ANK2: variants seen among roughly 807,000 people sequenced by gnomAD.
ANK2 encodes ankyrin 2.
A neutral mutation model predicts 360.5 loss-of-function variants in ANK2; 83 were observed. The ratio of observed to expected loss-of-function variants is 0.23; its 90% confidence interval spans 0.19 to 0.28. ANK2 has a LOEUF of 0.28. Ranked by LOEUF, ANK2 falls within the 10% of genes least tolerant of loss-of-function variation. ANK2 has a pLI of 1.00. For synonymous variants in ANK2, 1,740 were observed against 1,759.5 expected (o/e 0.99, Z 0.28); for missense variants, 4,201 against 4,795.7 (o/e 0.88, Z 3.66).
chr4:113,280,597 T>C (rs757048704), intron 17 of ANK2, among the ~76,000 whole-genome samples: 13 of 152,196 alleles, frequency 8.5e-5, no homozygotes, highest in Non-Finnish European at 1.9e-4. Flanking sequence ...CTCTCCTTAA[T>C]ACACACGGTC....
chr4:112,754,959 T>G, the ANK2 span, among the ~76,000 whole-genome samples: 1 of 152,184 alleles, frequency 6.6e-6, no homozygotes, highest in Non-Finnish European at 1.5e-5. Flanking sequence ...AACTCTTATA[T>G]CCTAATAATC....
At chr4:112,947,971 A>G (rs924890361) in intron 2 of ANK2, among the ~76,000 whole-genome samples, 1 of 152,168 alleles carries the variant, frequency 6.6e-6, no homozygotes, top group Non-Finnish European at 1.5e-5. Context: ...AAGATTTAAA[A>G]TATTTCGTTC....
chr4:113,208,995 C>T (rs1385906540), intron 4 of ANK2, among the ~76,000 whole-genome samples: 1 of 151,988 alleles, frequency 6.6e-6, no homozygotes, highest in Non-Finnish European at 1.5e-5. Context: ...TCCCCTTCAT[C>T]CTCTGAAGGC....
At chr4:112,729,111 A>G in the ANK2 span, among the ~76,000 whole-genome samples, 1 of 151,996 alleles carries the variant, frequency 6.6e-6, no homozygotes, top group South Asian at 2.1e-4. Context: ...AGGCGGGAGG[A>G]TAGCTTGAGT....
chr4:113,199,540 AC>A (rs1383003320), intron 4 of ANK2, among the ~76,000 whole-genome samples: 1 of 152,148 alleles, frequency 6.6e-6, no homozygotes, highest in Non-Finnish European at 1.5e-5. Flanking sequence ...GTCAGTTTAC[AC>A]CCCTAATGTG....
chr4:113,237,760 A>G, intron 7 of ANK2, 138 bp downstream of exon 7: 1 of 780,058 alleles, frequency 1.3e-6, no homozygotes, highest in Non-Finnish European at 2.2e-6. Context: ...CTTCCCCATA[A>G]TGAAGGCAAA....
chr4:112,921,181 G>A (rs1481026650), intron 2 of ANK2, among the ~76,000 whole-genome samples: 1 of 149,378 alleles, frequency 6.7e-6, no homozygotes, highest in Non-Finnish European at 1.5e-5. Flanking sequence ...CGTGTGCCAC[G>A]CCATGCTAAT....
At chr4:113,265,246 C>G (rs29412) in intron 14 of ANK2, among the ~76,000 whole-genome samples, 1 of 152,080 alleles carries the variant, frequency 6.6e-6, no homozygotes, top group Non-Finnish European at 1.5e-5. Flanking sequence ...AGAAATACAT[C>G]GACTGATATT....
chr4:112,939,630 A>G (rs28720945), intron 2 of ANK2, among the ~76,000 whole-genome samples: 1,555 of 152,290 alleles, frequency 0.01, 27 homozygotes, highest in African/African-American at 0.035. Flanking sequence ...ATTCTTTAAA[A>G]ATACAATTTT....
rs1247494820 is a variant in ANK2, at chr4:113,242,158, C to T, written c.840C>T (p.Asn280=). ...LHVASKRGNT[N]MVKLLLDRGG... is the part of the protein sequence containing the mutation. ...TGGCTTCCAAAAGAGGAAATACAAA[C>T]ATGGTGAAGCTCTTACTGGATCGAG... The change falls in exon 9 of 46, where the codon AAC becomes AAT. Residue 280 remains asparagine (N), a synonymous_variant. Coordinates refer to ENST00000357077, the MANE Select transcript of ANK2 (RefSeq NM_001148.6). 2.5e-6 allele frequency: 4 copies of T among 1,613,926 alleles called. No homozygotes were observed. In the South Asian group the frequency reaches 4.4e-5, roughly 18 times the overall value.
chr4:113,002,266 T>C (rs2051020694), intron 2 of ANK2, among the ~76,000 whole-genome samples: 1 of 152,168 alleles, frequency 6.6e-6, no homozygotes, highest in African/African-American at 2.4e-5. Flanking sequence ...TGCACACGTA[T>C]GTTTATTGTG....
intron 1 of ANK2, among the ~76,000 whole-genome samples, chr4:113,090,193 T>G (rs1235003043): frequency 6.6e-6 from 1 of 152,230 alleles, no homozygotes; most frequent in African/African-American, 2.4e-5. Context: ...AATCTCTTTC[T>G]AAGAATCTTT....
intron 2 of ANK2, among the ~76,000 whole-genome samples, chr4:112,907,461 G>A (rs2085628671): frequency 2.0e-5 from 3 of 152,146 alleles, no homozygotes; most frequent in Admixed American, 2.0e-4. Flanking sequence ...TGGGCATGCA[G>A]GATGTGGAAC....
chr4:113,282,723 A>T lies in ANK2; in HGVS notation c.1930A>T (p.Ile644Leu). ...TGCTGCCAAGAAGAATCAAATGCAG[A>T]TAGCTTCCACACTCCTGAACTATGG... ...HIAAKKNQMQ[I>L]ASTLLNYGAE... The change falls in exon 18 of 46, where the codon ATA becomes TTA. Residue 644 changes from isoleucine to leucine, a missense_variant. Ile to Leu is a conservative substitution (Grantham distance 5, BLOSUM62 2). Coordinates refer to ENST00000357077, the MANE Select transcript of ANK2 (RefSeq NM_001148.6). The T allele has an allele frequency of 6.2e-7, 1 of 1,613,906 alleles. No individual in the cohort carries two copies. Among genetic ancestry groups the T allele is most frequent in the Non-Finnish European group, 8.5e-7 (1 of 1,179,904 alleles).
intron 1 of ANK2, among the ~76,000 whole-genome samples, chr4:112,843,958 T>A (rs1370267970): frequency 1.3e-5 from 2 of 152,168 alleles, no homozygotes; most frequent in Admixed American, 1.3e-4. Context: ...AAAACCTTGG[T>A]TCTGTAAATA....
intron 1 of ANK2, among the ~76,000 whole-genome samples, chr4:113,159,580 A>G (rs1433514795): frequency 6.6e-6 from 1 of 151,952 alleles, no homozygotes; most frequent in African/African-American, 2.4e-5. Context: ...CACAGAGAAG[A>G]GTAAAATTAT....
chr4:113,079,701 T>C (rs1442614336), intron 1 of ANK2, among the ~76,000 whole-genome samples: 1 of 140,284 alleles, frequency 7.1e-6, no homozygotes, highest in Non-Finnish European at 1.5e-5. Flanking sequence ...CAATGTGTCA[T>C]TATGGACAGT....
chr4:113,311,505 C>T (rs2079935477), intron 24 of ANK2, 106 bp downstream of exon 24: 1 of 1,369,320 alleles, frequency 7.3e-7, no homozygotes, highest in African/African-American at 1.4e-5. Context: ...TAATAGGTAC[C>T]TTATTAATCT....
intron 1 of ANK2, among the ~76,000 whole-genome samples, chr4:112,866,524 C>T (rs2070614958): frequency 6.6e-6 from 1 of 152,158 alleles, no homozygotes; most frequent in African/African-American, 2.4e-5. Flanking sequence ...TTTATTCTTT[C>T]ATTGTGAGAC....
Sources: allele counts gnomAD v4.1 joint callset (sites outside exome capture counted in the v4.1 genomes callset), GRCh38; gene constraint gnomAD v4.1.1; transcripts MANE v1.5; gene names NCBI Gene and HGNC (gene_info 2026-07-23, HGNC 2026-07-21).